Variants in PBX3 observed in about 807,000 individuals in gnomAD.
The protein encoded by PBX3 is pre-B-cell leukemia transcription factor 3.
Under a neutral mutation model 48.5 loss-of-function variants are expected in PBX3, and 14 were observed. The ratio of observed to expected loss-of-function variants is 0.29; its 90% CI spans 0.19 to 0.45. The LOEUF (loss-of-function observed/expected upper bound fraction) is 0.45. PBX3 is among the 20% of genes least tolerant of loss of function. The pLI, the probability that PBX3 is intolerant of heterozygous loss-of-function variation, is 1.00. For synonymous variants in PBX3, 210 were observed against 200.3 expected (o/e 1.05, Z -0.41); for missense variants, 386 against 546.7 (o/e 0.71, Z 2.93).
chr9:125,938,445 TAGACCATTTAA>T (rs1475634697), intron 5 of PBX3, among the ~76,000 whole-genome samples: 13 of 152,136 alleles, frequency 8.5e-5, no homozygotes, highest in Admixed American at 2.0e-4. Flanking sequence ...TGTCTCTCCA[TAGACCATTTAA>T]AGTTACAAGA....
intron 2 of PBX3, among the ~76,000 whole-genome samples, chr9:125,812,988 C>T (rs747264338): frequency 3.3e-5 from 5 of 152,116 alleles, no homozygotes; most frequent in Admixed American, 3.3e-4. Flanking sequence ...AATGTTTAGG[C>T]CTAGGACATT....
chr9:125,788,987 T>C (rs1837529926), intron 2 of PBX3, among the ~76,000 whole-genome samples: 2 of 152,348 alleles, frequency 1.3e-5, no homozygotes, highest in African/African-American at 4.8e-5. Flanking sequence ...TAGTGTTTAC[T>C]AATATTGCAT....
intron 2 of PBX3, among the ~76,000 whole-genome samples, chr9:125,756,531 A>AGGGTT (rs1836523910): frequency 6.6e-6 from 1 of 152,166 alleles, no homozygotes; most frequent in Non-Finnish European, 1.5e-5. Context: ...TAGAAGGAAG[A>AGGGTT]GGGTTTGGGT....
chr9:125,877,201 T>G (rs1361406386), intron 2 of PBX3, among the ~76,000 whole-genome samples: 1 of 152,246 alleles, frequency 6.6e-6, no homozygotes, highest in Non-Finnish European at 1.5e-5. Context: ...AAATAAACAT[T>G]TGTTGAATGA....
At chr9:125,892,689 C>T (rs961088570) in intron 2 of PBX3, among the ~76,000 whole-genome samples, 2 of 152,134 alleles carry the variant, frequency 1.3e-5, no homozygotes, top group Non-Finnish European at 2.9e-5. Context: ...CTGTGTTATT[C>T]CTTAAAAATG....
intron 2 of PBX3, among the ~76,000 whole-genome samples, chr9:125,899,273 ACATATG>A (rs1286790270): frequency 1.6e-5 from 2 of 123,736 alleles, no homozygotes; most frequent in African/African-American, 6.4e-5. Flanking sequence ...ATATAAATAT[ACATATG>A]TATATATATT....
chr9:125,779,087 C>T (rs1354819879), intron 2 of PBX3, among the ~76,000 whole-genome samples: 1 of 134,548 alleles, frequency 7.4e-6, no homozygotes, highest in South Asian at 2.6e-4. Flanking sequence ...ATCCCCCACC[C>T]CTAGCCCTTG....
At chr9:125,892,541 ATAC>A (rs1474946965) in intron 2 of PBX3, among the ~76,000 whole-genome samples, 1 of 152,206 alleles carries the variant, frequency 6.6e-6, no homozygotes, top group Non-Finnish European at 1.5e-5. Context: ...GAAGCTTATG[ATAC>A]TATTTCACAT....
chr9:125,828,838 C>T (rs1166936350), intron 2 of PBX3, among the ~76,000 whole-genome samples: 2 of 152,182 alleles, frequency 1.3e-5, no homozygotes, highest in Non-Finnish European at 2.9e-5. Flanking sequence ...AAAAGTATTT[C>T]AAAACCTTTG....
chr9:125,888,643 C>CCAG (rs1840560577), intron 2 of PBX3, among the ~76,000 whole-genome samples: 1 of 151,574 alleles, frequency 6.6e-6, no homozygotes, highest in Non-Finnish European at 1.5e-5. Flanking sequence ...GACTTGATTA[C>CCAG]TTACTCATTA....
intron 5 of PBX3, among the ~76,000 whole-genome samples, chr9:125,942,825 G>A (rs774801174): frequency 2.0e-5 from 3 of 152,182 alleles, no homozygotes; most frequent in Non-Finnish European, 4.4e-5. Flanking sequence ...AGAGCAGGTT[G>A]TAAAAAATGG....
chr9:125,957,230 CTTCTTTCATTGCTTCCAAT>C (rs1329410175), intron 5 of PBX3, among the ~76,000 whole-genome samples: 1 of 152,224 alleles, frequency 6.6e-6, no homozygotes, highest in Non-Finnish European at 1.5e-5. Context: ...ATGATCACTG[CTTCTTTCATTGCTTCCAAT>C]TAAACCTTGC....
intron 2 of PBX3, among the ~76,000 whole-genome samples, chr9:125,881,499 A>T (rs1840380813): frequency 6.6e-6 from 1 of 152,218 alleles, no homozygotes; most frequent in South Asian, 2.1e-4. Flanking sequence ...AATTTAATTC[A>T]ATTTTACATC....
intron 2 of PBX3, among the ~76,000 whole-genome samples, chr9:125,822,090 G>A (rs573616370): frequency 2.2e-4 from 33 of 152,132 alleles, no homozygotes; most frequent in African/African-American, 7.7e-4. Context: ...TAAATAAAGG[G>A]CCTGCATTAA....
intron 4 of PBX3, among the ~76,000 whole-genome samples, chr9:125,934,623 T>C (rs1841794403): frequency 6.6e-6 from 1 of 152,182 alleles, no homozygotes; most frequent in South Asian, 2.1e-4. Context: ...TTCTCTCCTC[T>C]TTGCTTAGTG....
intron 2 of PBX3, among the ~76,000 whole-genome samples, chr9:125,857,349 A>G (rs1213857481): frequency 1.3e-5 from 2 of 152,154 alleles, no homozygotes; most frequent in Non-Finnish European, 2.9e-5. Flanking sequence ...GGTCATGTCA[A>G]TACACAAGAA....
At chr9:125,903,745 T>C (rs1841005194) in intron 2 of PBX3, among the ~76,000 whole-genome samples, 2 of 151,784 alleles carry the variant, frequency 1.3e-5, no homozygotes, top group South Asian at 4.1e-4. Context: ...CTCTTGAAAA[T>C]ACAAAAATAA....
At chr9:125,848,894 G>A (rs956235026) in intron 2 of PBX3, among the ~76,000 whole-genome samples, 2 of 151,978 alleles carry the variant, frequency 1.3e-5, no homozygotes, top group African/African-American at 4.8e-5. Flanking sequence ...TTGATCTAGA[G>A]TCAAGTATCT....
At chr9:125,853,952 T>G (rs1423303319) in intron 2 of PBX3, among the ~76,000 whole-genome samples, 1 of 151,954 alleles carries the variant, frequency 6.6e-6, no homozygotes, top group Non-Finnish European at 1.5e-5. Context: ...AATATGCATT[T>G]ATTTAAACAA....
Sources: allele counts gnomAD v4.1 joint callset (sites outside exome capture counted in the v4.1 genomes callset), GRCh38; gene constraint gnomAD v4.1.1; transcripts MANE v1.5; gene names NCBI Gene and HGNC (gene_info 2026-07-23, HGNC 2026-07-21).